MTMR7: variants seen among roughly 807,000 people sequenced by gnomAD.
MTMR7 encodes phosphatidylinositol-3-phosphate phosphatase MTMR7.
A neutral mutation model predicts 81.2 loss-of-function variants in MTMR7; 76 were observed. The ratio of observed to expected loss-of-function variants is 0.94; its 90% CI spans 0.78 to 1.13. The LOEUF (loss-of-function observed/expected upper bound fraction) is 1.13. Ranked by LOEUF, MTMR7 falls within the 50% of genes most tolerant of loss-of-function variation. The probability of loss-of-function intolerance (pLI) is 0.00; values close to 1 mark genes in which losing one functional copy is unlikely to be tolerated. For missense variants in MTMR7, 1,044 were observed against 820.0 expected, an observed-to-expected ratio of 1.27 and a Z score of -3.34; for synonymous variants, 372 against 289.8, an observed-to-expected ratio of 1.28 and a Z score of -2.88.
At chr8:17,354,849 T>C (rs931156253) in intron 4 of MTMR7, among the ~76,000 whole-genome samples, 13 of 152,222 alleles carry the variant, frequency 8.5e-5, no homozygotes, top group African/African-American at 3.1e-4. Context: ...GCTAAGTTAG[T>C]GACAAATCAG....
chr8:17,348,851 T>G, intron 5 of MTMR7, 102 bp downstream of exon 5: 1 of 1,407,442 alleles, frequency 7.1e-7, no homozygotes, highest in Admixed American at 1.7e-5. Flanking sequence ...TTCTGAAGAA[T>G]TCAAACACAC....
chr8:17,311,667 A>G (rs750192487), intron 8 of MTMR7, 31 bp from the exon 9 acceptor site: 35 of 1,613,558 alleles, frequency 2.2e-5, no homozygotes, highest in Non-Finnish European at 2.7e-5. Flanking sequence ...AAAGAGTCAC[A>G]AAGAATGGCT....
intron 7 of MTMR7, among the ~76,000 whole-genome samples, chr8:17,315,750 A>G (rs572973807): frequency 6.6e-6 from 1 of 152,290 alleles, no homozygotes; most frequent in African/African-American, 2.4e-5. Context: ...AGTGCCTCAC[A>G]CCTGTAATCC....
At chr8:17,389,880 C>T (rs1585115869) in intron 1 of MTMR7, among the ~76,000 whole-genome samples, 2 of 152,130 alleles carry the variant, frequency 1.3e-5, no homozygotes, top group East Asian at 1.9e-4. Flanking sequence ...ACTGAAGCTT[C>T]GACACCAAGT....
intron 1 of MTMR7, among the ~76,000 whole-genome samples, chr8:17,400,724 CTG>C (rs1022099393): frequency 2.0e-5 from 3 of 152,046 alleles, no homozygotes; most frequent in African/African-American, 7.3e-5. Context: ...GAGGTAGTCA[CTG>C]TAATCAAATA....
intron 5 of MTMR7, among the ~76,000 whole-genome samples, chr8:17,347,171 G>A (rs1227735840): frequency 6.6e-6 from 1 of 151,102 alleles, no homozygotes; most frequent in East Asian, 1.9e-4. Flanking sequence ...CTCCAGCCTG[G>A]GCGACAAGTG....
At chr8:17,352,058 C>A (rs118082419) in intron 4 of MTMR7, among the ~76,000 whole-genome samples, 1,788 of 152,316 alleles carry the variant, frequency 0.012, 21 homozygotes, top group Non-Finnish European at 0.018. Context: ...CTATCAAAAT[C>A]TCAAGGGCAT....
intron 1 of MTMR7, among the ~76,000 whole-genome samples, chr8:17,382,717 T>C (rs890960094): frequency 6.6e-6 from 1 of 152,034 alleles, no homozygotes; most frequent in African/African-American, 2.4e-5. Flanking sequence ...AGAAACAAAA[T>C]TTGAGACCAC....
intron 1 of MTMR7, among the ~76,000 whole-genome samples, chr8:17,395,397 T>C (rs928272602): frequency 4.6e-5 from 7 of 152,234 alleles, no homozygotes; most frequent in African/African-American, 1.7e-4. Context: ...CCAGTATCTG[T>C]TTGTGTCCCT....
At chr8:17,339,229 A>G (rs749065467) in intron 6 of MTMR7, among the ~76,000 whole-genome samples, 6 of 152,016 alleles carry the variant, frequency 3.9e-5, no homozygotes, top group Admixed American at 2.0e-4. Context: ...TCCTGTTGTA[A>G]TGTTTATTTC....
At chr8:17,369,695 G>A (rs1383938963) in intron 3 of MTMR7, among the ~76,000 whole-genome samples, 29 of 144,278 alleles carry the variant, frequency 2.0e-4, no homozygotes, top group Non-Finnish European at 4.2e-4. Flanking sequence ...ACCCAGGCTG[G>A]AGTGCAGTGG....
chr8:17,320,192 A>T (rs1350728829), intron 7 of MTMR7, among the ~76,000 whole-genome samples: 1 of 152,114 alleles, frequency 6.6e-6, no homozygotes, highest in Non-Finnish European at 1.5e-5. Context: ...GGCCACCAGA[A>T]AGTTTAAAAT....
chr8:17,412,214 C>T (rs1173135615), intron 1 of MTMR7, among the ~76,000 whole-genome samples: 1 of 152,200 alleles, frequency 6.6e-6, no homozygotes, highest in African/African-American at 2.4e-5. Context: ...AAAAGGTACT[C>T]AGGAACTATT....
intron 6 of MTMR7, among the ~76,000 whole-genome samples, chr8:17,333,100 A>G (rs1001550562): frequency 2.6e-5 from 4 of 152,146 alleles, no homozygotes; most frequent in African/African-American, 9.7e-5. Flanking sequence ...TCACATTTCA[A>G]TAGCAGCCCT....
chr8:17,391,294 G>A (rs897544994), intron 1 of MTMR7, among the ~76,000 whole-genome samples: 1 of 152,060 alleles, frequency 6.6e-6, no homozygotes, highest in African/African-American at 2.4e-5. Flanking sequence ...GGGGGAGGGT[G>A]GCAGGATCTG....
chr8:17,351,159 A>G (rs1819717520), intron 4 of MTMR7, among the ~76,000 whole-genome samples: 1 of 152,242 alleles, frequency 6.6e-6, no homozygotes, highest in African/African-American at 2.4e-5. Context: ...TTAAAAGGAA[A>G]TGAGTAGGTT....
intron 13 of MTMR7, 132 bp from the exon 14 acceptor site, chr8:17,300,356 G>T: frequency 9.9e-7 from 1 of 1,014,288 alleles, no homozygotes; most frequent in South Asian, 1.8e-5. Flanking sequence ...AGGGATGTGA[G>T]TTCAAACCTG....
chr8:17,315,066 C>G (rs1817991297), intron 7 of MTMR7, among the ~76,000 whole-genome samples: 1 of 152,172 alleles, frequency 6.6e-6, no homozygotes, highest in African/African-American at 2.4e-5. Context: ...GCTGAGAGTT[C>G]CCAAGCTTAC....
chr8:17,401,138 G>C (rs1243830483), intron 1 of MTMR7, among the ~76,000 whole-genome samples: 1 of 152,092 alleles, frequency 6.6e-6, no homozygotes, highest in Admixed American at 6.6e-5. Context: ...GTGTATGTAT[G>C]TTACAGAAAA....
Sources: gnomAD v4.1 joint callset for allele counts (sites outside exome capture counted in the v4.1 genomes callset) on GRCh38, gnomAD v4.1.1 for gene constraint, MANE v1.5 for transcripts, NCBI Gene and HGNC (gene_info 2026-07-23, HGNC 2026-07-21) for gene names.